CREB5: variants seen among roughly 807,000 people sequenced by gnomAD.
CREB5 encodes the protein cAMP responsive element binding protein 5, also known as cyclic AMP-responsive element-binding protein 5.
Under a neutral mutation model 57.1 loss-of-function variants are expected in CREB5, and 19 were observed. That is an observed-to-expected ratio of 0.33 (90% confidence interval 0.23 to 0.49). The LOEUF is 0.49. CREB5 is among the 20% of genes least tolerant of loss of function. The pLI is 0.99. For missense variants in CREB5, 579 were observed against 671.6 expected, an observed-to-expected ratio of 0.86 and a Z score of 1.52; for synonymous variants, 238 against 238.3, an observed-to-expected ratio of 1.00 and a Z score of 0.01.
intron 5 of CREB5, among the ~76,000 whole-genome samples, chr7:28,698,354 CAA>C (rs10611948): frequency 0.057 from 7,046 of 122,672 alleles, 345 homozygotes; most frequent in African/African-American, 0.13. Context: ...CACTCCCCAC[CAA>C]AAAAAAAAAA....
At chr7:28,814,119 A>T (rs1809284051) in intron 9 of CREB5, among the ~76,000 whole-genome samples, 1 of 152,216 alleles carries the variant, frequency 6.6e-6, no homozygotes, top group Non-Finnish European at 1.5e-5. Flanking sequence ...GATTTCTTGT[A>T]TGCATTTTGA....
At chr7:28,522,520 C>T (rs924968122) in intron 4 of CREB5, among the ~76,000 whole-genome samples, 11 of 151,852 alleles carry the variant, frequency 7.2e-5, no homozygotes, top group Middle Eastern at 6.8e-3. Context: ...CTCAGCCTCC[C>T]AAGTAGCTGG....
chr7:28,343,442 C>T (rs1785975791), intron 1 of CREB5, among the ~76,000 whole-genome samples: 1 of 152,274 alleles, frequency 6.6e-6, no homozygotes, highest in South Asian at 2.1e-4. Flanking sequence ...TGACATCATA[C>T]AGTATTTGTC....
chr7:28,738,939 A>C (rs904573650), intron 7 of CREB5, among the ~76,000 whole-genome samples: 10 of 152,238 alleles, frequency 6.6e-5, no homozygotes, highest in Non-Finnish European at 1.2e-4. Context: ...CCAGTATTAC[A>C]CCTGGTTCTC....
intron 5 of CREB5, among the ~76,000 whole-genome samples, chr7:28,626,188 C>A (rs569230180): frequency 8.5e-5 from 13 of 152,256 alleles, no homozygotes; most frequent in African/African-American, 3.1e-4. Context: ...TTTATTTCTA[C>A]CTTAAAAGAT....
intron 1 of CREB5, among the ~76,000 whole-genome samples, chr7:28,442,560 C>T (rs1213600724): frequency 2.6e-5 from 4 of 152,114 alleles, no homozygotes; most frequent in Admixed American, 6.6e-5. Flanking sequence ...TACTAATTCA[C>T]ATTCCCATCA....
chr7:28,806,033 A>G (rs973676035), intron 8 of CREB5, among the ~76,000 whole-genome samples: 3 of 152,192 alleles, frequency 2.0e-5, no homozygotes, highest in African/African-American at 4.8e-5. Context: ...TACAAAGTCA[A>G]TGATGGGCAA....
At chr7:28,425,362 T>A (rs570164558) in intron 1 of CREB5, among the ~76,000 whole-genome samples, 2 of 152,122 alleles carry the variant, frequency 1.3e-5, no homozygotes, top group South Asian at 4.1e-4. Context: ...ATTATATAAT[T>A]CCATACATAG....
intron 4 of CREB5, among the ~76,000 whole-genome samples, chr7:28,510,572 G>C (rs1052188254): frequency 6.6e-6 from 1 of 152,220 alleles, no homozygotes; most frequent in Non-Finnish European, 1.5e-5. Flanking sequence ...TTCTGTTAAA[G>C]AGCAAATAGA....
chr7:28,585,380 G>A (rs752813800), intron 5 of CREB5, among the ~76,000 whole-genome samples: 19 of 152,234 alleles, frequency 1.2e-4, no homozygotes, highest in South Asian at 2.1e-4. Context: ...TTGTTTTTCC[G>A]TGTGTGTGTT....
At chr7:28,560,827 CGCGCGCGTGT>C (rs1795085649) in intron 4 of CREB5, among the ~76,000 whole-genome samples, 1 of 89,024 alleles carries the variant, frequency 1.1e-5, no homozygotes, top group East Asian at 3.6e-4. Flanking sequence ...TGTGTGCGCG[CGCGCGCGTGT>C]GTGTGTGCGC....
chr7:28,408,161 C>T (rs1452734394), upstream of CREB5, among the ~76,000 whole-genome samples: 1 of 152,186 alleles, frequency 6.6e-6, no homozygotes, highest in Non-Finnish European at 1.5e-5. Context: ...ATCAAGTGAT[C>T]TCAGGCCAGC....
intron 5 of CREB5, among the ~76,000 whole-genome samples, chr7:28,614,476 T>A (rs1233676599): frequency 6.6e-6 from 1 of 152,136 alleles, no homozygotes; most frequent in Non-Finnish European, 1.5e-5. Flanking sequence ...CAAGGAGACA[T>A]CACCTTCCCC....
rs75360958 is a variant in CREB5, at chr7:28,475,623, A to C, written c.4-12552A>C. Among the ~76,000 whole-genome samples the C allele has an allele frequency of 4.0e-3, 605 of 152,114 alleles. 7 individuals carry two copies. Among genetic ancestry groups the C allele is most frequent in the African/African-American group, 0.014 (574 of 41,492 alleles). On this transcript the variant is annotated intron_variant, in intron 1 of 10. Coordinates refer to ENST00000357727, the MANE Select transcript of CREB5 (RefSeq NM_182898.4). ...GAGTGGGTATAAAGAGGGTGTCACA[A>C]TCTGTGTCAGTCTTATTTCCCATGC...
At chr7:28,544,049 T>A (rs1794317785) in intron 4 of CREB5, among the ~76,000 whole-genome samples, 1 of 151,804 alleles carries the variant, frequency 6.6e-6, no homozygotes, top group Non-Finnish European at 1.5e-5. Context: ...CCATAACTGA[T>A]GAAATAACTT....
intron 1 of CREB5, among the ~76,000 whole-genome samples, chr7:28,364,401 G>T (rs1196831543): frequency 6.6e-6 from 1 of 152,182 alleles, no homozygotes; most frequent in East Asian, 1.9e-4. Context: ...AACATCTATT[G>T]CTTTTTCTAT....
intron 7 of CREB5, among the ~76,000 whole-genome samples, chr7:28,791,612 T>C (rs909495088): frequency 2.0e-5 from 3 of 152,224 alleles, no homozygotes; most frequent in African/African-American, 7.2e-5. Context: ...AAGGTACTGA[T>C]TTAGGGCAAG....
chr7:28,413,004 G>C (rs1787866988), intron 1 of CREB5, 87 bp downstream of exon 1: 1 of 1,225,260 alleles, frequency 8.2e-7, no homozygotes, highest in African/African-American at 1.5e-5. Context: ...TTCATAGATG[G>C]AATTCAGAAA....
chr7:28,743,348 C>A (rs1003703651), intron 7 of CREB5, among the ~76,000 whole-genome samples: 2 of 152,088 alleles, frequency 1.3e-5, no homozygotes, highest in Admixed American at 6.5e-5. Context: ...GCCTGGGCAA[C>A]CTGGTGAAAC....
Sources: gnomAD v4.1 joint callset for allele counts (sites outside exome capture counted in the v4.1 genomes callset) on GRCh38, gnomAD v4.1.1 for gene constraint, MANE v1.5 for transcripts, NCBI Gene and HGNC (gene_info 2026-07-23, HGNC 2026-07-21) for gene names.